SGK1: variants seen among roughly 807,000 people sequenced by gnomAD.
SGK1 encodes the protein serine/threonine-protein kinase Sgk1.
In SGK1, 26 loss-of-function variants were observed where a neutral mutation model predicts 64.2. The observed-to-expected ratio is 0.40, with a 90% CI of 0.30 to 0.56. SGK1 has a LOEUF of 0.56. SGK1 is among the 20% of genes least tolerant of loss of function. The pLI is 0.38. For missense variants in SGK1, 519 were observed against 645.6 expected (o/e 0.80, Z 2.12); for synonymous variants, 265 against 239.7 (o/e 1.11, Z -0.98).
intron 1 of SGK1, among the ~76,000 whole-genome samples, chr6:134,307,438 A>G (rs1777550266): frequency 6.6e-6 from 1 of 152,214 alleles, no homozygotes; most frequent in Non-Finnish European, 1.5e-5. Flanking sequence ...TTGTTACTAC[A>G]ATTGTCCCTC....
intron 3 of SGK1, among the ~76,000 whole-genome samples, chr6:134,202,213 A>G (rs1418926322): frequency 6.6e-6 from 1 of 152,254 alleles, no homozygotes; most frequent in Admixed American, 6.5e-5. Context: ...GTTATGAAAG[A>G]AAGAAAAACA....
intron 1 of SGK1, among the ~76,000 whole-genome samples, chr6:134,304,215 C>A (rs572246768): frequency 2.6e-5 from 4 of 152,346 alleles, no homozygotes; most frequent in South Asian, 2.1e-4. Flanking sequence ...TCACAGGGAG[C>A]AGAACCCTCC....
intron 2 of SGK1, among the ~76,000 whole-genome samples, chr6:134,259,143 T>C (rs1776726008): frequency 6.6e-6 from 1 of 152,236 alleles, no homozygotes; most frequent in South Asian, 2.1e-4. Flanking sequence ...ACAATGTTGC[T>C]TTAAATTCCT....
Position 134,317,852 on chromosome 6 carries a change from G to C in SGK1, c.-392C>G, listed in dbSNP as rs1777711433. The stretch of plus-strand genomic sequence containing the variant: ...CCGCGGCCGGCGCGGGGAGCGAGTC[G>C]CTCTTCTCCAGGTGATGCGCTCCTG... On this transcript the variant is annotated 5_prime_UTR_variant, in exon 1 of 14. Transcript: ENST00000367858. The C allele has an allele frequency of 5.1e-6, 1 of 194,888 alleles. No homozygotes were observed. Among genetic ancestry groups the C allele is most frequent in the South Asian group, 1.2e-4 (1 of 8,018 alleles). 12.1% of individuals were successfully genotyped at this position (194,888 alleles called of 1,614,324 possible). A position where few individuals can be genotyped will look rare whatever the true frequency, so the allele number is the denominator to read the frequency against.
chr6:134,219,302 G>A (rs748296399), intron 2 of SGK1, among the ~76,000 whole-genome samples: 3 of 151,578 alleles, frequency 2.0e-5, no homozygotes, highest in Admixed American at 6.6e-5. Flanking sequence ...ATGAGCCACC[G>A]TGCCTGGCCC....
chr6:134,312,707 C>G (rs1777624459), intron 1 of SGK1, among the ~76,000 whole-genome samples: 1 of 152,122 alleles, frequency 6.6e-6, no homozygotes, highest in African/African-American at 2.4e-5. Context: ...CTTCTGTACA[C>G]CTCAGTTTCT....
intron 1 of SGK1, among the ~76,000 whole-genome samples, chr6:134,313,500 T>C (rs1562282318): frequency 6.6e-6 from 1 of 151,854 alleles, no homozygotes; most frequent in Non-Finnish European, 1.5e-5. Context: ...GAAAAATGAA[T>C]GAATGAGGCA....
chr6:134,263,272 T>C (rs1306748120), intron 1 of SGK1, among the ~76,000 whole-genome samples: 1 of 152,190 alleles, frequency 6.6e-6, no homozygotes, highest in Admixed American at 6.5e-5. Flanking sequence ...GATCTTCCTC[T>C]GTCACCCAGG....
At chr6:134,233,143 T>C (rs1776315457) in intron 2 of SGK1, among the ~76,000 whole-genome samples, 2 of 152,106 alleles carry the variant, frequency 1.3e-5, no homozygotes, top group South Asian at 4.1e-4. Flanking sequence ...AGAGATGAGT[T>C]TCATGATTAC....
intron 1 of SGK1, among the ~76,000 whole-genome samples, chr6:134,300,703 G>C (rs186390301): frequency 0.11 from 15,893 of 142,978 alleles, 1,012 homozygotes; most frequent in African/African-American, 0.16. Flanking sequence ...CATGATCTCG[G>C]CTCACTACAA....
chr6:134,302,421 A>G (rs1214416105), intron 1 of SGK1, among the ~76,000 whole-genome samples: 1 of 152,234 alleles, frequency 6.6e-6, no homozygotes, highest in Non-Finnish European at 1.5e-5. Flanking sequence ...TCCTAAGCCT[A>G]TAGAAACAAC....
intron 1 of SGK1, among the ~76,000 whole-genome samples, chr6:134,286,136 T>C (rs1022986555): frequency 1.3e-5 from 2 of 152,264 alleles, no homozygotes; most frequent in Non-Finnish European, 1.5e-5. Flanking sequence ...TCTATTTATA[T>C]ACAGGTGGTG....
At chr6:134,224,850 A>G (rs1273703574) in intron 2 of SGK1, among the ~76,000 whole-genome samples, 1 of 149,412 alleles carries the variant, frequency 6.7e-6, no homozygotes, top group African/African-American at 2.4e-5. Context: ...GTGAAACCCC[A>G]TCTCTATAAA....
rs35364662 is a variant in SGK1 at position 134,208,896 on chromosome 6, G to GTATATATATA, written c.286-1475_286-1466dup. ...TGCATATACATACATGTATGTGTGT[G>GTATATATATA]TATATATATATACACACACACGTGT... On this transcript the variant is annotated intron_variant, in intron 2 of 13. Coordinates refer to ENST00000367858, the MANE Select transcript of SGK1 (RefSeq NM_001143676.3). Among the ~76,000 whole-genome samples, 325 of 147,442 alleles carry GTATATATATA rather than the reference G, an allele frequency of 2.2e-3. 3 individuals are homozygous for GTATATATATA. Among genetic ancestry groups the GTATATATATA allele is most frequent in the Admixed American group, 3.4e-3 (50 of 14,824 alleles).
At chr6:134,178,648 C>A (rs1775285613) in intron 3 of SGK1, among the ~76,000 whole-genome samples, 1 of 152,176 alleles carries the variant, frequency 6.6e-6, no homozygotes, top group African/African-American at 2.4e-5. Context: ...TAAATGCAAC[C>A]TAGAGGGCGA....
At chr6:134,201,791 T>A (rs1054037780) in intron 3 of SGK1, among the ~76,000 whole-genome samples, 1 of 152,166 alleles carries the variant, frequency 6.6e-6, no homozygotes, top group Non-Finnish European at 1.5e-5. Context: ...AGATTTGGTG[T>A]TGTGGATGGA....
chr6:134,230,162 G>C (rs1776254530), intron 2 of SGK1, among the ~76,000 whole-genome samples: 1 of 152,126 alleles, frequency 6.6e-6, no homozygotes, highest in Admixed American at 6.5e-5. Context: ...TTGATGCTAT[G>C]AAAAATCAGC....
intron 3 of SGK1, among the ~76,000 whole-genome samples, chr6:134,197,069 C>CA (rs1253539245): frequency 6.6e-6 from 1 of 151,876 alleles, no homozygotes; most frequent in African/African-American, 2.4e-5. Flanking sequence ...CCCATCTCTA[C>CA]AAAAAACAAA....
chr6:134,227,904 A>G (rs1776209879), intron 2 of SGK1, among the ~76,000 whole-genome samples: 1 of 147,698 alleles, frequency 6.8e-6, no homozygotes, highest in Admixed American at 6.8e-5. Context: ...TTACTGCCTT[A>G]GTAACCTCTT....
Sources: allele counts gnomAD v4.1 joint callset (sites outside exome capture counted in the v4.1 genomes callset), GRCh38; gene constraint gnomAD v4.1.1; transcripts MANE v1.5; gene names NCBI Gene and HGNC (gene_info 2026-07-23, HGNC 2026-07-21).